The following FBN1 variants were observed in gnomAD, a reference collection of about 807,000 sequenced individuals.
The protein encoded by FBN1 is fibrillin-1.
Under a neutral mutation model 365.1 loss-of-function variants are expected in FBN1, and 29 were observed. The observed-to-expected ratio is 0.08, with a 90% CI of 0.06 to 0.11. The LOEUF is 0.11. Ranked by LOEUF, FBN1 falls within the 10% of genes least tolerant of loss-of-function variation. The probability of loss-of-function intolerance (pLI) is 1.00; values close to 1 mark genes in which losing one functional copy is unlikely to be tolerated. For synonymous variants in FBN1, 1,210 were observed against 1,270.5 expected (o/e 0.95, Z 1.01); for missense variants, 2,476 against 3,703.2 (o/e 0.67, Z 8.60).
At chr15:48,618,832 G>C (rs1235591133) in intron 2 of FBN1, among the ~76,000 whole-genome samples, 3 of 152,108 alleles carry the variant, frequency 2.0e-5, no homozygotes, top group Non-Finnish European at 2.9e-5. Context: ...ACCTGATTGT[G>C]AACTGCGTGT....
At chr15:48,610,642 A>G in intron 4 of FBN1, 86 bp downstream of exon 4, 2 of 1,007,180 alleles carry the variant, frequency 2.0e-6, no homozygotes, top group Non-Finnish European at 3.1e-6. Flanking sequence ...GTATTGCAGG[A>G]AAGAGGAAAG....
At chr15:48,633,250 G>A (rs970310708) in intron 2 of FBN1, among the ~76,000 whole-genome samples, 1 of 152,208 alleles carries the variant, frequency 6.6e-6, no homozygotes, top group African/African-American at 2.4e-5. Flanking sequence ...ATTACTAGGT[G>A]AGATGATATG....
Position 48,409,911 on chromosome 15 carries a change from G to A in FBN1, c.*1079C>T, listed in dbSNP as rs2042846823. The A allele has an allele frequency of 6.6e-6, 1 of 152,106 alleles. No homozygotes were observed. The highest frequency in any genetic ancestry group is 2.1e-4 in the South Asian group (1 of 4,812). The allele number at this position is 152,106 out of a possible 1,614,324, so 9.4% of individuals were successfully genotyped here. ...TGCTACTTTCAATGGATAAAACAAG[G>A]GATCGACTCATATGTTAAATTTTCT... On this transcript the variant is annotated 3_prime_UTR_variant, in exon 66 of 66. Coordinates refer to ENST00000316623, the MANE Select transcript of FBN1 (RefSeq NM_000138.5).
intron 2 of FBN1, among the ~76,000 whole-genome samples, chr15:48,616,919 A>AG (rs996001021): frequency 2.0e-5 from 3 of 152,192 alleles, no homozygotes. Context: ...TAAAAAAAAA[A>AG]CTATGGCTTA....
intron 36 of FBN1, among the ~76,000 whole-genome samples, chr15:48,469,212 G>A (rs2043350346): frequency 7.5e-6 from 1 of 133,280 alleles, no homozygotes; most frequent in South Asian, 2.5e-4. Flanking sequence ...ACACTGTTGT[G>A]ACCTCGGTCA....
At chr15:48,520,902 T>G (rs2043849121) in intron 9 of FBN1, 85 bp from the exon 10 acceptor site, 1 of 1,573,434 alleles carries the variant, frequency 6.4e-7, no homozygotes, top group Non-Finnish European at 8.7e-7. Context: ...AGCTCCATAC[T>G]TCACACTGGG....
At chr15:48,612,928 A>C (rs2140737236) in intron 3 of FBN1, 82 bp downstream of exon 3, 4 of 1,002,496 alleles carry the variant, frequency 4.0e-6, no homozygotes, top group Middle Eastern at 2.1e-4. Context: ...TACAGTTACA[A>C]AAGGCCACAT....
rs140855939 is a variant in FBN1 at position 48,439,937 on chromosome 15, C to T, written c.6163+1784G>A. On this transcript the variant is annotated intron_variant, in intron 50 of 65. Coordinates refer to ENST00000316623, the MANE Select transcript of FBN1 (RefSeq NM_000138.5). ...TTCGCTTTTTAAAAAACATTATCCA[C>T]GGTTCTGTGGAATTTTCTCATTTCA... Among the ~76,000 whole-genome samples, 645 of 152,256 alleles carry T rather than the reference C, an allele frequency of 4.2e-3. 5 individuals are homozygous for T. Among genetic ancestry groups the T allele is most frequent in the Non-Finnish European group, 6.8e-3 (465 of 68,002 alleles).
chr15:48,568,905 G>T (rs2044282539), intron 6 of FBN1, among the ~76,000 whole-genome samples: 1 of 151,892 alleles, frequency 6.6e-6, no homozygotes, highest in South Asian at 2.1e-4. Flanking sequence ...GAAAACATGA[G>T]AAAAATTTTA....
intron 4 of FBN1, among the ~76,000 whole-genome samples, chr15:48,605,599 A>G (rs1286096551): frequency 6.6e-6 from 1 of 152,262 alleles, no homozygotes; most frequent in Non-Finnish European, 1.5e-5. Context: ...GAGGCCAGGC[A>G]CAGTGGCTCA....
At chr15:48,629,884 T>G (rs1181251514) in intron 2 of FBN1, among the ~76,000 whole-genome samples, 4 of 152,206 alleles carry the variant, frequency 2.6e-5, no homozygotes, top group African/African-American at 7.2e-5. Context: ...TTCGTTCACT[T>G]GAAGAACCAC....
At chr15:48,600,324 G>GA in intron 4 of FBN1, 90 bp from the exon 5 acceptor site, 1 of 915,820 alleles carries the variant, frequency 1.1e-6, no homozygotes. Flanking sequence ...TATTTGAAGA[G>GA]AAAATCAAAT....
intron 9 of FBN1, among the ~76,000 whole-genome samples, chr15:48,521,322 T>C (rs2043853279): frequency 6.6e-6 from 1 of 152,202 alleles, no homozygotes; most frequent in African/African-American, 2.4e-5. Flanking sequence ...TAAGTTTTTG[T>C]TGTTGTTGTT....
In FBN1 at chr15:48,412,697, G is replaced by A. The variant is rs757331255; in HGVS notation, c.8098C>T (p.Pro2700Ser). The A allele has an allele frequency of 5.0e-6, 8 of 1,614,256 alleles. No homozygotes were observed. The highest frequency in any genetic ancestry group is 6.8e-6 in the Non-Finnish European group (8 of 1,180,044). ...MGMGRGNPEP[P>S]VSGEMDDNSL... Reference sequence around the variant, plus strand: ...TTGTCATCCATTTCACCACTGACAGGTGGCTCTGGGTTTCCTCGGCCCATG... The same window carrying A: ...TTGTCATCCATTTCACCACTGACAGATGGCTCTGGGTTTCCTCGGCCCATG... The change falls in exon 65 of 66, where the codon CCT (proline) becomes TCT (serine). Residue 2700 changes from proline (P) to serine (S), a missense_variant. Around this residue, in one of 5 missense-constraint regions of FBN1, gnomAD observed 1,780 missense variants for 2,840.8 expected, o/e 0.63. Coordinates refer to ENST00000316623, the MANE Select transcript of FBN1 (RefSeq NM_000138.5).
chr15:48,500,542 C>T (rs2043645793), intron 17 of FBN1, among the ~76,000 whole-genome samples: 2 of 152,038 alleles, frequency 1.3e-5, no homozygotes, highest in South Asian at 2.1e-4. Context: ...AATGATTGAA[C>T]GTGTACTGTG....
chr15:48,473,985 G>C (rs2043398160), intron 34 of FBN1, among the ~76,000 whole-genome samples: 1 of 152,064 alleles, frequency 6.6e-6, no homozygotes, highest in Non-Finnish European at 1.5e-5. Flanking sequence ...TTTTATGTTA[G>C]AGCACAGATC....
chr15:48,493,207 C>A (rs2043576602), intron 23 of FBN1, among the ~76,000 whole-genome samples: 1 of 152,106 alleles, frequency 6.6e-6, no homozygotes, highest in African/African-American at 2.4e-5. Context: ...CTCAAATGTA[C>A]CAGTCCTTCC....
At chr15:48,521,697 C>T (rs746905605) in intron 9 of FBN1, among the ~76,000 whole-genome samples, 6 of 152,186 alleles carry the variant, frequency 3.9e-5, no homozygotes, top group East Asian at 3.8e-4. Flanking sequence ...GATATTACCA[C>T]GAAACAGTGA....
chr15:48,460,589 T>C (rs2043273299), intron 42 of FBN1, among the ~76,000 whole-genome samples: 1 of 152,164 alleles, frequency 6.6e-6, no homozygotes, highest in African/African-American at 2.4e-5. Context: ...AGTTTACCTG[T>C]AGGAGTTTGG....
Sources: allele counts gnomAD v4.1 joint callset (sites outside exome capture counted in the v4.1 genomes callset), GRCh38; gene constraint gnomAD v4.1.1; regional missense constraint gnomAD v4.1.1; transcripts MANE v1.5; gene names NCBI Gene and HGNC (gene_info 2026-07-23, HGNC 2026-07-21).